The following STAG1 variants were observed in gnomAD, a reference collection of about 807,000 sequenced individuals.
STAG1 encodes the protein STAG1 cohesin complex component, also known as cohesin subunit SA-1.
In STAG1, 26 loss-of-function variants were observed where a neutral mutation model predicts 170.9. That is an observed-to-expected ratio of 0.15 (90% CI 0.11 to 0.21). STAG1 has a LOEUF of 0.21. Among genes scored for constraint, STAG1 ranks in the 10% least tolerant of loss-of-function variants. The pLI is 1.00. For synonymous variants in STAG1, 514 were observed against 497.7 expected (o/e 1.03, Z -0.44); for missense variants, 964 against 1,509.5 (o/e 0.64, Z 5.99).
chr3:136,373,291 A>G (rs1350809456), intron 23 of STAG1, among the ~76,000 whole-genome samples: 2 of 152,064 alleles, frequency 1.3e-5, no homozygotes, highest in South Asian at 2.1e-4. Context: ...GATTTTTTCA[A>G]AAAACCAGCT....
In STAG1 at chr3:136,660,895, G is replaced by C. The variant is rs563944285; in HGVS notation, c.-83-29914C>G. Among the ~76,000 whole-genome samples, 51 of 152,142 alleles carry C rather than the reference G, an allele frequency of 3.4e-4. 1 individual carries two copies. Among genetic ancestry groups the C allele is most frequent in the African/African-American group, 1.2e-3 (50 of 41,502 alleles). On this transcript the variant is annotated intron_variant, in intron 1 of 33. Coordinates refer to ENST00000383202, the MANE Select transcript of STAG1 (RefSeq NM_005862.3). ...GAAGTGGGAGGACTGCTTGAGCCTG[G>C]GAGTTCAAGGCTGAAGTAAGCCATG...
intron 3 of STAG1, among the ~76,000 whole-genome samples, chr3:136,605,600 T>C (rs563681463): frequency 6.6e-6 from 1 of 152,300 alleles, no homozygotes; most frequent in Non-Finnish European, 1.5e-5. Context: ...AGGTCTCCCC[T>C]AAGTATCTTT....
chr3:136,592,863 G>A (rs752186124), intron 4 of STAG1, among the ~76,000 whole-genome samples: 1 of 152,228 alleles, frequency 6.6e-6, no homozygotes, highest in Non-Finnish European at 1.5e-5. Context: ...AACCACTGTA[G>A]ACAGTCTTCT....
chr3:136,418,020 T>G, intron 20 of STAG1, 48 bp from the exon 21 acceptor site: 1 of 1,444,408 alleles, frequency 6.9e-7, no homozygotes, highest in Non-Finnish European at 9.7e-7. Context: ...TGGAAGGAAA[T>G]TTAAATTTGA....
intron 4 of STAG1, among the ~76,000 whole-genome samples, chr3:136,600,199 A>G (rs756391970): frequency 6.6e-6 from 1 of 152,238 alleles, no homozygotes; most frequent in African/African-American, 2.4e-5. Flanking sequence ...AAATACATGG[A>G]CAATAAGCAC....
intron 1 of STAG1, among the ~76,000 whole-genome samples, chr3:136,666,820 TAA>T (rs754138930): frequency 9.8e-5 from 13 of 132,426 alleles, no homozygotes; most frequent in Admixed American, 1.5e-4. Context: ...ACTCTGTCTT[TAA>T]AAAAAAAAAA....
At chr3:136,646,219 G>A (rs1208695384) in intron 1 of STAG1, among the ~76,000 whole-genome samples, 3 of 151,998 alleles carry the variant, frequency 2.0e-5, no homozygotes, top group Admixed American at 6.6e-5. Context: ...CTCCTTCTAG[G>A]CTCAAGCAAT....
chr3:136,477,862 C>G (rs886217739), intron 9 of STAG1, among the ~76,000 whole-genome samples: 1 of 152,136 alleles, frequency 6.6e-6, no homozygotes, highest in African/African-American at 2.4e-5. Context: ...ATGATTTCGG[C>G]TGACTGCAAC....
intron 1 of STAG1, among the ~76,000 whole-genome samples, chr3:136,671,932 G>A: frequency 6.6e-6 from 1 of 152,190 alleles, no homozygotes; most frequent in East Asian, 1.9e-4. Context: ...ATTCACTAAT[G>A]TAAGTGTAGA....
At chr3:136,474,075 A>G (rs1036291798) in intron 10 of STAG1, among the ~76,000 whole-genome samples, 2 of 152,208 alleles carry the variant, frequency 1.3e-5, no homozygotes, top group African/African-American at 4.8e-5. Context: ...TTTATATTCC[A>G]GGGACAGCAG....
chr3:136,685,721 T>C (rs1302896470), intron 1 of STAG1, among the ~76,000 whole-genome samples: 1 of 152,146 alleles, frequency 6.6e-6, no homozygotes, highest in African/African-American at 2.4e-5. Context: ...CTATATGACA[T>C]TCTGGAAAAG....
At chr3:136,689,901 G>A (rs1317819427) in intron 1 of STAG1, among the ~76,000 whole-genome samples, 1 of 151,704 alleles carries the variant, frequency 6.6e-6, no homozygotes, top group Non-Finnish European at 1.5e-5. Context: ...AATTAGCCAG[G>A]CGTGGTGGCG....
intron 28 of STAG1, 49 bp from the exon 29 acceptor site, chr3:136,349,412 CATCACTTACTTT>C (rs754854685): frequency 9.9e-6 from 14 of 1,413,556 alleles, no homozygotes; most frequent in Non-Finnish European, 1.3e-5. Context: ...GCAGTTCATA[CATCACTTACTTT>C]TTCTTAATCT....
chr3:136,530,897 G>A (rs930356400), intron 6 of STAG1, among the ~76,000 whole-genome samples: 3 of 152,140 alleles, frequency 2.0e-5, no homozygotes, highest in Non-Finnish European at 4.4e-5. Flanking sequence ...CCTGAGGTCA[G>A]GAGTTCGAGA....
intron 2 of STAG1, among the ~76,000 whole-genome samples, chr3:136,624,404 A>C (rs78612429): frequency 0.086 from 13,104 of 152,160 alleles, 1,858 homozygotes; most frequent in African/African-American, 0.3. Flanking sequence ...CCAGCCAATT[A>C]TTGGAATCTA....
At chr3:136,399,697 C>T (rs1008829053) in intron 21 of STAG1, among the ~76,000 whole-genome samples, 1 of 152,040 alleles carries the variant, frequency 6.6e-6, no homozygotes, top group Non-Finnish European at 1.5e-5. Flanking sequence ...TCTTGGTGCA[C>T]TCTGCATGCA....
chr3:136,582,506 T>C (rs1253312077), intron 4 of STAG1, among the ~76,000 whole-genome samples: 2 of 152,130 alleles, frequency 1.3e-5, no homozygotes, highest in East Asian at 3.8e-4. Context: ...TCATATAAAT[T>C]AGCAATTCCA....
intron 7 of STAG1, 22 bp from the exon 8 acceptor site, chr3:136,502,801 T>C (rs1159566852): frequency 1.3e-6 from 2 of 1,544,110 alleles, no homozygotes; most frequent in Non-Finnish European, 1.7e-6. Flanking sequence ...AGAAATATTA[T>C]AATACCTATG....
intron 6 of STAG1, among the ~76,000 whole-genome samples, chr3:136,528,492 G>T (rs1212350228): frequency 9.1e-5 from 2 of 22,094 alleles, no homozygotes; most frequent in Non-Finnish European, 1.1e-4. Flanking sequence ...AGATGTCCCC[G>T]CACCCCCCCC....
Sources: gnomAD v4.1 joint callset for allele counts (sites outside exome capture counted in the v4.1 genomes callset) on GRCh38, gnomAD v4.1.1 for gene constraint, MANE v1.5 for transcripts, NCBI Gene and HGNC (gene_info 2026-07-23, HGNC 2026-07-21) for gene names.